The following PLXDC2 variants were observed in gnomAD, a reference collection of about 807,000 sequenced individuals.
PLXDC2 encodes plexin domain-containing protein 2.
Under a neutral mutation model 68.9 loss-of-function variants are expected in PLXDC2, and 40 were observed. The ratio of observed to expected loss-of-function variants is 0.58; its 90% confidence interval spans 0.45 to 0.76. PLXDC2 has a LOEUF of 0.76. PLXDC2 is among the 30% of genes least tolerant of loss of function. PLXDC2 has a pLI of 0.00. For synonymous variants in PLXDC2, 243 were observed against 234.2 expected (o/e 1.04, Z -0.34); for missense variants, 644 against 661.9 (o/e 0.97, Z 0.30).
At chr10:20,213,364 C>A (rs1438639985) in intron 10 of PLXDC2, among the ~76,000 whole-genome samples, 3 of 151,822 alleles carry the variant, frequency 2.0e-5, no homozygotes, top group Non-Finnish European at 4.4e-5. Context: ...TGTATATTTT[C>A]TGGGCTCTCC....
intron 7 of PLXDC2, among the ~76,000 whole-genome samples, chr10:20,171,286 G>A (rs1412935192): frequency 6.6e-6 from 1 of 151,956 alleles, no homozygotes; most frequent in African/African-American, 2.4e-5. Flanking sequence ...CAGATCAATC[G>A]ACAGATCTCC....
chr10:20,136,739 T>C (rs1163171471), intron 4 of PLXDC2, among the ~76,000 whole-genome samples: 1 of 152,214 alleles, frequency 6.6e-6, no homozygotes, highest in Middle Eastern at 3.2e-3. Context: ...AAACTACAAA[T>C]GTTCAATGCC....
At chr10:19,905,245 A>G (rs1833135096) in intron 1 of PLXDC2, among the ~76,000 whole-genome samples, 1 of 152,226 alleles carries the variant, frequency 6.6e-6, no homozygotes, top group Non-Finnish European at 1.5e-5. Flanking sequence ...ATTTTGGCAT[A>G]GCCATAGCCA....
At position 20,069,374 on chromosome 10, in the gene PLXDC2, G is replaced by A. The variant is rs79523825; in HGVS notation, c.541+1135G>A. ...GAATTGCTTAGGAAATACAAATGATGAAATATGCCCAGGTGCAGTGGCTCA... is the reference window on the plus strand; with the variant it reads ...GAATTGCTTAGGAAATACAAATGATAAAATATGCCCAGGTGCAGTGGCTCA... On this transcript the variant is annotated intron_variant, in intron 4 of 13. Transcript: ENST00000377252. Among the ~76,000 whole-genome samples, 668 of 152,262 alleles carry A rather than the reference G, an allele frequency of 4.4e-3. 5 individuals are homozygous for A. Among genetic ancestry groups the A allele is most frequent in the African/African-American group, 0.015 (628 of 41,560 alleles).
chr10:19,828,115 C>G (rs927479689), intron 1 of PLXDC2, among the ~76,000 whole-genome samples: 1 of 152,180 alleles, frequency 6.6e-6, no homozygotes, highest in African/African-American at 2.4e-5. Context: ...AACACATGGA[C>G]ATGATGATAT....
intron 6 of PLXDC2, among the ~76,000 whole-genome samples, chr10:20,149,759 T>C (rs769105061): frequency 6.2e-4 from 94 of 152,182 alleles, no homozygotes; most frequent in Non-Finnish European, 1.1e-3. Flanking sequence ...TCTCATTTCT[T>C]TTATGGCCTC....
chr10:19,889,325 C>G (rs1016333887), intron 1 of PLXDC2, among the ~76,000 whole-genome samples: 2 of 151,986 alleles, frequency 1.3e-5, no homozygotes, highest in African/African-American at 2.4e-5. Context: ...ATTAATCATG[C>G]TCTTGGGACC....
At chr10:19,910,434 G>A (rs774151256) in intron 1 of PLXDC2, among the ~76,000 whole-genome samples, 18 of 151,648 alleles carry the variant, frequency 1.2e-4, no homozygotes, top group Non-Finnish European at 1.9e-4. Context: ...ATCACTATCC[G>A]GGCGGGGAAA....
At chr10:19,910,567 G>A (rs35049778) in intron 1 of PLXDC2, among the ~76,000 whole-genome samples, 31,595 of 146,196 alleles carry the variant, frequency 0.22, 3,919 homozygotes, top group South Asian at 0.32. Context: ...GAGACTTGGA[G>A]AGACATCACT....
chr10:19,901,447 A>G (rs181020799), intron 1 of PLXDC2, among the ~76,000 whole-genome samples: 1 of 152,268 alleles, frequency 6.6e-6, no homozygotes, highest in East Asian at 1.9e-4. Flanking sequence ...GCATTTTTCC[A>G]TAAGCTTGTT....
intron 1 of PLXDC2, among the ~76,000 whole-genome samples, chr10:19,866,625 G>A (rs191860711): frequency 7.3e-4 from 111 of 152,264 alleles, no homozygotes; most frequent in African/African-American, 2.4e-3. Flanking sequence ...CCAGTGCACA[G>A]AACAAGACAA....
At chr10:19,910,190 A>ATG (rs1833241427) in intron 1 of PLXDC2, among the ~76,000 whole-genome samples, 1 of 136,154 alleles carries the variant, frequency 7.3e-6, no homozygotes, top group Admixed American at 7.2e-5. Context: ...ATATATATAT[A>ATG]TATATGTCTG....
At chr10:20,215,300 T>C (rs1477410037) in intron 10 of PLXDC2, among the ~76,000 whole-genome samples, 1 of 151,998 alleles carries the variant, frequency 6.6e-6, no homozygotes, top group African/African-American at 2.4e-5. Flanking sequence ...TTTAGAAACA[T>C]TGGTACGAGA....
chr10:20,007,197 G>A (rs1835040397), intron 2 of PLXDC2, among the ~76,000 whole-genome samples: 2 of 152,142 alleles, frequency 1.3e-5, no homozygotes, highest in Non-Finnish European at 2.9e-5. Context: ...ATCTTCCCCT[G>A]GAAGCTGGCA....
chr10:20,048,188 G>T (rs2131684458), intron 3 of PLXDC2, among the ~76,000 whole-genome samples: 1 of 152,148 alleles, frequency 6.6e-6, no homozygotes. Context: ...CAAAATTTTT[G>T]GCAGTGGTCT....
chr10:20,201,726 C>T (rs779580236), intron 9 of PLXDC2, among the ~76,000 whole-genome samples: 1 of 152,052 alleles, frequency 6.6e-6, no homozygotes, highest in Non-Finnish European at 1.5e-5. Context: ...AACATAACTA[C>T]ATACCCCATT....
At chr10:20,258,403 C>A (rs760524698) in intron 13 of PLXDC2, among the ~76,000 whole-genome samples, 2 of 152,148 alleles carry the variant, frequency 1.3e-5, no homozygotes, top group Non-Finnish European at 2.9e-5. Flanking sequence ...CAAAATCACT[C>A]TTGCTACTTA....
intron 6 of PLXDC2, among the ~76,000 whole-genome samples, chr10:20,160,424 G>T (rs1048607748): frequency 1.3e-5 from 2 of 152,118 alleles, no homozygotes; most frequent in African/African-American, 4.8e-5. Context: ...CATAAAGGTA[G>T]AGTATTTCAC....
At chr10:20,103,609 AGAG>A (rs1278059611) in intron 4 of PLXDC2, among the ~76,000 whole-genome samples, 7 of 149,712 alleles carry the variant, frequency 4.7e-5, no homozygotes, top group Admixed American at 6.7e-5. Context: ...AGAGAGAGAG[AGAG>A]AAAACTGGGA....
Sources: gnomAD v4.1 joint callset for allele counts (sites outside exome capture counted in the v4.1 genomes callset) on GRCh38, gnomAD v4.1.1 for gene constraint, MANE v1.5 for transcripts, NCBI Gene and HGNC (gene_info 2026-07-23, HGNC 2026-07-21) for gene names.